CAMSAP1: variants seen among roughly 807,000 people sequenced by gnomAD.
CAMSAP1 encodes calmodulin regulated spectrin associated protein 1, also known as calmodulin-regulated spectrin-associated protein 1.
Under a neutral mutation model 143.5 loss-of-function variants are expected in CAMSAP1, and 58 were observed. That is an observed-to-expected ratio of 0.40 (90% CI 0.33 to 0.50). The LOEUF (loss-of-function observed/expected upper bound fraction) is 0.50, where lower values mean the gene tolerates loss of function less well. CAMSAP1 is among the 20% of genes least tolerant of loss of function. The pLI is 0.45. For synonymous variants in CAMSAP1, 945 were observed against 859.3 expected (o/e 1.10, Z -1.74); for missense variants, 1,969 against 2,115.7 (o/e 0.93, Z 1.36).
intron 5 of CAMSAP1, among the ~76,000 whole-genome samples, chr9:135,859,019 A>G (rs1266422213): frequency 6.6e-6 from 1 of 152,166 alleles, no homozygotes; most frequent in Non-Finnish European, 1.5e-5. Flanking sequence ...ACCCAGAAAC[A>G]ATGCTTCACC....
rs946972810 is a variant in CAMSAP1, at chr9:135,820,503, G to C, written c.3822+336C>G. Among the ~76,000 whole-genome samples the C allele has an allele frequency of 4.6e-5, 7 of 151,950 alleles. No homozygotes were observed. The highest frequency in any genetic ancestry group is 1.5e-4 in the African/African-American group (6 of 41,320). ...TAACGACGAACGCTTTTTACGCTTT[G>C]GGGCAGGACAGGGAGATGACAGGGT... On this transcript the variant is annotated intron_variant, in intron 11 of 16. Transcript: ENST00000389532. This position sits in a 1 kb window ranked among gnomAD's most constrained non-coding sequence, Gnocchi z 4.4.
intron 7 of CAMSAP1, among the ~76,000 whole-genome samples, chr9:135,840,967 C>T (rs1836323675): frequency 6.6e-6 from 1 of 152,008 alleles, no homozygotes; most frequent in Non-Finnish European, 1.5e-5. Flanking sequence ...TTTTTCATAC[C>T]CTAGTGGTGC....
chr9:135,816,619 A>G (rs575202986), intron 14 of CAMSAP1, among the ~76,000 whole-genome samples: 1 of 152,346 alleles, frequency 6.6e-6, no homozygotes, highest in Admixed American at 6.5e-5. Flanking sequence ...GACCACCAGA[A>G]CAAAAACCCA....
At chr9:135,890,462 C>A (rs980808082) in intron 1 of CAMSAP1, among the ~76,000 whole-genome samples, 2 of 152,116 alleles carry the variant, frequency 1.3e-5, no homozygotes, top group African/African-American at 4.8e-5. Flanking sequence ...AGGAGCTGTC[C>A]GTGCCAGGAG....
rs770378353 is a variant in CAMSAP1 at position 135,821,267 on chromosome 9, G to A, written c.3394C>T (p.His1132Tyr). Residue 1132 changes from histidine to tyrosine, a missense_variant, in exon 11 of 17, where the codon CAC becomes TAC. By Grantham distance (83) the His-to-Tyr change is moderately conservative (BLOSUM62 2). Coordinates refer to ENST00000389532, the MANE Select transcript of CAMSAP1 (RefSeq NM_015447.4). This position sits in a 1 kb window ranked among gnomAD's most constrained non-coding sequence, Gnocchi z 4.6. ...CTGCTGGCAGGGAAGGGTCTCAAGT[G>A]CGGGAGCGTCTCTACACTGGGCGTT... ...TPTPSVETLP[H>Y]LRPFPASSHP... 6 of 1,609,638 alleles carry A rather than the reference G, an allele frequency of 3.7e-6. No individual in the cohort carries two copies. The highest frequency in any genetic ancestry group is 2.2e-5 in the South Asian group (2 of 91,080).
chr9:135,833,099 T>C (rs1588455738), intron 7 of CAMSAP1, among the ~76,000 whole-genome samples: 1 of 89,350 alleles, frequency 1.1e-5, no homozygotes, highest in African/African-American at 4.4e-5. Context: ...TTTTTTTTTT[T>C]GAGACGGAGT....
At chr9:135,896,029 C>G (rs918017523) in intron 1 of CAMSAP1, among the ~76,000 whole-genome samples, 10 of 152,026 alleles carry the variant, frequency 6.6e-5, no homozygotes, top group African/African-American at 2.2e-4. Flanking sequence ...AGACTCAAGT[C>G]CTAACGTTAT....
chr9:135,855,229 T>C (rs1836913095), intron 5 of CAMSAP1, among the ~76,000 whole-genome samples: 1 of 151,692 alleles, frequency 6.6e-6, no homozygotes, highest in Non-Finnish European at 1.5e-5. Context: ...TGACCTCTGG[T>C]GATCCACCCA....
At position 135,821,236 on chromosome 9, in the gene CAMSAP1, G is replaced by A. The variant is rs779489129; in HGVS notation, c.3425C>T (p.Pro1142Leu). Residue 1142 changes from proline to leucine, a missense_variant, in exon 11 of 17, where the codon CCT (proline) becomes CTT (leucine). By Grantham distance (98) the Pro-to-Leu change is moderately conservative. This residue lies in a region of CAMSAP1 where 1,390 missense variants were observed against 1,420.8 expected (regional missense o/e 0.98). Coordinates refer to ENST00000389532, the MANE Select transcript of CAMSAP1 (RefSeq NM_015447.4). This position sits in a 1 kb window ranked among gnomAD's most constrained non-coding sequence, Gnocchi z 4.6. ...CAGGCCAGGGTCCGTGGGCGTCCGA[G>A]GGTGGCTGCTGGCAGGGAAGGGTCT... ...HLRPFPASSH[P>L]RTPTDPGLDS... 1.2e-6 allele frequency: 2 copies of A among 1,608,328 alleles called. No homozygotes were observed. The highest frequency in any genetic ancestry group is 2.2e-5 in the East Asian group (1 of 44,870).
intron 7 of CAMSAP1, among the ~76,000 whole-genome samples, chr9:135,829,169 C>T (rs1375111136): frequency 2.6e-5 from 4 of 152,078 alleles, no homozygotes; most frequent in African/African-American, 4.8e-5. Flanking sequence ...ACTGTATTAC[C>T]ATAACAGTGG....
chr9:135,822,397 T>C lies in CAMSAP1; in HGVS notation c.2264A>G (p.Glu755Gly). Residue 755 changes from glutamate to glycine, a missense_variant, in exon 11 of 17, where the codon GAG (glutamate) becomes GGG (glycine). Transcript: ENST00000389532. This position sits in a 1 kb window ranked among gnomAD's most constrained non-coding sequence, Gnocchi z 6.1. ...TCTGCTGAAAACCACAGGATGGGCC[T>C]CACCCATGAAATCGTGCTCGGCTTC... ...IEEAEHDFMG[E>G]AHPVVFSRYI... 1 of 1,614,010 alleles carries C rather than the reference T, an allele frequency of 6.2e-7. No individual in the cohort carries two copies.
intron 7 of CAMSAP1, among the ~76,000 whole-genome samples, chr9:135,839,665 C>A (rs1836267096): frequency 6.6e-6 from 1 of 152,222 alleles, no homozygotes; most frequent in African/African-American, 2.4e-5. Context: ...CTGCCACCCA[C>A]TCACTCCAGG....
At chr9:135,870,509 C>T (rs2130954422) in intron 3 of CAMSAP1, among the ~76,000 whole-genome samples, 1 of 152,238 alleles carries the variant, frequency 6.6e-6, no homozygotes, top group African/African-American at 2.4e-5. Context: ...AAACTACTGA[C>T]TAGGCCAGGC....
chr9:135,859,796 C>T (rs1358114757), intron 5 of CAMSAP1, among the ~76,000 whole-genome samples: 1 of 152,122 alleles, frequency 6.6e-6, no homozygotes, highest in Non-Finnish European at 1.5e-5. Flanking sequence ...TCATAATTGG[C>T]AATGACCCTG....
rs1466033244 is a variant in CAMSAP1, at chr9:135,824,749, A to G, written c.1315+40T>C. The G allele has an allele frequency of 7.8e-7, 1 of 1,281,878 alleles. No homozygotes were observed. Among genetic ancestry groups the G allele is most frequent in the African/African-American group, 1.5e-5 (1 of 66,094 alleles). The allele number at this position is 1,281,878 out of a possible 1,614,324, so 79.4% of individuals were successfully genotyped here. A position where few individuals can be genotyped will look rare whatever the true frequency, so the allele number is the denominator to read the frequency against. On this transcript the variant is annotated intron_variant, in intron 9 of 16. Coordinates refer to ENST00000389532, the MANE Select transcript of CAMSAP1 (RefSeq NM_015447.4). This position sits in a 1 kb window ranked among gnomAD's most constrained non-coding sequence, Gnocchi z 4.1. Reference sequence around the variant, plus strand: ...AATATGATTTTACTAATCTATAGTAAGGAGAAATTAAGGAAAAAAGGAGGA... The same window carrying G: ...AATATGATTTTACTAATCTATAGTAGGGAGAAATTAAGGAAAAAAGGAGGA...
intron 1 of CAMSAP1, among the ~76,000 whole-genome samples, chr9:135,905,498 T>C (rs369488528): frequency 5.9e-5 from 9 of 152,178 alleles, no homozygotes; most frequent in African/African-American, 2.2e-4. Context: ...TGCCCAAGAA[T>C]GCACTGGGCT....
intron 7 of CAMSAP1, among the ~76,000 whole-genome samples, chr9:135,830,081 A>C (rs1166444254): frequency 6.6e-6 from 1 of 152,102 alleles, no homozygotes; most frequent in Non-Finnish European, 1.5e-5. Flanking sequence ...AAAAGAAAAA[A>C]AGAAGGGAAA....
At chr9:135,846,682 C>CAAAAAAA (rs752714756) in intron 7 of CAMSAP1, among the ~76,000 whole-genome samples, 1 of 53,694 alleles carries the variant, frequency 1.9e-5, no homozygotes, top group African/African-American at 6.0e-5. Context: ...ACAAATTTAC[C>CAAAAAAA]AAAAAAAAAA....
chr9:135,877,510 A>G (rs1032362905), intron 3 of CAMSAP1, among the ~76,000 whole-genome samples: 32 of 152,072 alleles, frequency 2.1e-4, no homozygotes, highest in Admixed American at 3.3e-4. Context: ...AAAAAAAAAA[A>G]AAAGAAAAAA....
Sources: gnomAD v4.1 joint callset for allele counts (sites outside exome capture counted in the v4.1 genomes callset) on GRCh38, gnomAD v4.1.1 for gene constraint, gnomAD v4.1.1 regional missense constraint, Gnocchi (gnomAD v3.1) non-coding constraint, MANE v1.5 for transcripts, NCBI Gene and HGNC (gene_info 2026-07-23, HGNC 2026-07-21) for gene names.